Variants in INTS7 observed in about 807,000 individuals in gnomAD.
INTS7 encodes the protein integrator complex subunit 7.
Under a neutral mutation model 109.2 loss-of-function variants are expected in INTS7, and 46 were observed. The ratio of observed to expected loss-of-function variants is 0.42; its 90% CI spans 0.33 to 0.54. The LOEUF is 0.54. Ranked by LOEUF, INTS7 falls within the 20% of genes least tolerant of loss-of-function variation. INTS7 has a pLI of 0.07. For missense variants in INTS7, 929 were observed against 1,132.4 expected (o/e 0.82, Z 2.58); for synonymous variants, 412 against 402.9 (o/e 1.02, Z -0.27).
intron 16 of INTS7, among the ~76,000 whole-genome samples, chr1:211,957,355 GACC>G (rs1663416989): frequency 6.6e-6 from 1 of 152,108 alleles, no homozygotes; most frequent in Non-Finnish European, 1.5e-5. Flanking sequence ...AGACCAGCCT[GACC>G]AATATGGTGA....
chr1:212,006,563 T>G, intron 7 of INTS7, 76 bp downstream of exon 7: 3 of 683,264 alleles, frequency 4.4e-6, no homozygotes, highest in Non-Finnish European at 6.4e-6. Context: ...AAAGACAATA[T>G]AAAAATGCAA....
chr1:211,963,326 C>T (rs553588518), intron 16 of INTS7, among the ~76,000 whole-genome samples: 1 of 152,026 alleles, frequency 6.6e-6, no homozygotes, highest in South Asian at 2.1e-4. Context: ...ATAATGAGCT[C>T]TGAAATTGAA....
chr1:212,016,895 G>A lies in INTS7; in HGVS notation c.500C>T (p.Ala167Val). Reference protein sequence around the residue: ...AAVFAAANFSAQSKDFAVGIC... With the variant: ...AAVFAAANFSVQSKDFAVGIC... ...ACTTTTGTAAGCTTACTTTGACTGT[G>A]CAGAGAAGTTTGCAGCAGCAAAAAC... Residue 167 changes from alanine to valine, a missense_variant, in exon 4 of 20, where the codon GCA (alanine) becomes GTA (valine). Physicochemically the swap from Ala to Val is moderately conservative, Grantham distance 64 (BLOSUM62 0). Coordinates refer to ENST00000366994, the MANE Select transcript of INTS7 (RefSeq NM_015434.4). The A allele has an allele frequency of 6.2e-7, 1 of 1,605,020 alleles. No individual in the cohort carries two copies. Among genetic ancestry groups the A allele is most frequent in the Non-Finnish European group, 8.5e-7 (1 of 1,177,010 alleles).
At chr1:211,977,996 G>C (rs1272000437) in intron 11 of INTS7, among the ~76,000 whole-genome samples, 4 of 152,124 alleles carry the variant, frequency 2.6e-5, no homozygotes, top group Non-Finnish European at 2.9e-5. Context: ...GAGATTGAAG[G>C]CTTTGGCTAT....
At chr1:212,021,905 G>GA (rs1666727321) in intron 1 of INTS7, among the ~76,000 whole-genome samples, 2 of 151,760 alleles carry the variant, frequency 1.3e-5, no homozygotes, top group Admixed American at 1.3e-4. Context: ...GAAGAAATTA[G>GA]AAAAATATTT....
Position 211,976,600 on chromosome 1 carries a change from G to A in INTS7, c.1590C>T (p.Ala530=). 2 of 1,613,746 alleles carry A rather than the reference G, an allele frequency of 1.2e-6. No individual in the cohort carries two copies. Among genetic ancestry groups the A allele is most frequent in the Non-Finnish European group, 1.7e-6 (2 of 1,179,736 alleles). The change falls in exon 12 of 20, where the codon GCC becomes GCT. Residue 530 remains alanine (A), a synonymous_variant. Transcript: ENST00000366994. ...CACATACCATTCTGGAAGCCTGTCT[G>A]GCAATACGGTATACAGTCCATCCAT... is the stretch of plus-strand genomic sequence containing the variant. ...VSNGWTVYRI[A]RQASRMGNHD...
intron 17 of INTS7, among the ~76,000 whole-genome samples, chr1:211,951,367 GGC>G (rs1307067359): frequency 6.6e-6 from 1 of 152,078 alleles, no homozygotes; most frequent in Non-Finnish European, 1.5e-5. Flanking sequence ...GGAGTGCAGT[GGC>G]GCTATCTCAG....
At chr1:211,968,382 C>G (rs1664007500) in intron 14 of INTS7, 131 bp downstream of exon 14, 2 of 731,492 alleles carry the variant, frequency 2.7e-6, no homozygotes, top group South Asian at 2.3e-5. Flanking sequence ...TTTAGCCAGA[C>G]AGTTGAGTGA....
chr1:211,977,835 A>T (rs946691720), intron 11 of INTS7, among the ~76,000 whole-genome samples: 3 of 152,346 alleles, frequency 2.0e-5, no homozygotes, highest in Admixed American at 6.5e-5. Context: ...AATGGAAAAC[A>T]TAAATTTGGG....
At chr1:211,948,927 A>C (rs1440734705) in intron 17 of INTS7, among the ~76,000 whole-genome samples, 1 of 152,166 alleles carries the variant, frequency 6.6e-6, no homozygotes, top group Non-Finnish European at 1.5e-5. Flanking sequence ...GGCTGATCTC[A>C]AACTCCTGAC....
chr1:211,944,688 A>C, intron 19 of INTS7, 96 bp downstream of exon 19: 1 of 991,274 alleles, frequency 1.0e-6, no homozygotes, highest in Non-Finnish European at 1.6e-6. Context: ...TTGGAGGTAT[A>C]ACTGCAATCT....
chr1:211,967,817 G>C, intron 15 of INTS7, 61 bp downstream of exon 15: 2 of 829,244 alleles, frequency 2.4e-6, no homozygotes, highest in Admixed American at 4.4e-5. Flanking sequence ...ATCTGAGGTA[G>C]TCCGTATTTA....
intron 3 of INTS7, among the ~76,000 whole-genome samples, chr1:212,017,731 T>C (rs1666501906): frequency 6.6e-6 from 1 of 152,240 alleles, no homozygotes; most frequent in African/African-American, 2.4e-5. Context: ...ACAATGTTCC[T>C]ACAATGACAA....
chr1:211,946,768 A>T lies in INTS7; in HGVS notation c.2317-63T>A. The stretch of plus-strand genomic sequence containing the variant: ...TTTTCAAATTTCATCAACAAGTGGT[A>T]CATTCAGTATAAAACTACAAATGCC... On this transcript the variant is annotated intron_variant, in intron 17 of 19. Transcript: ENST00000366994. This position sits in a 1 kb window ranked among gnomAD's most constrained non-coding sequence, Gnocchi z 4.3. 1 of 1,145,726 alleles carries T rather than the reference A, an allele frequency of 8.7e-7. No homozygotes were observed. The highest frequency in any genetic ancestry group is 1.3e-6 in the Non-Finnish European group (1 of 777,464). The allele number at this position is 1,145,726 out of a possible 1,614,324, so 71.0% of individuals were successfully genotyped here.
rs757624709 is a variant in INTS7 at position 212,020,217 on chromosome 1, T to C, written c.276A>G (p.Lys92=). Residue 92 remains lysine, a synonymous_variant, in exon 3 of 20, where the codon AAA becomes AAG. Coordinates refer to ENST00000366994, the MANE Select transcript of INTS7 (RefSeq NM_015434.4). ...CVLKVTQQSE[K]HLEKILNVDE... ...CCACATTTAGAATCTTCTCCAAATG[T>C]TTCTCACTTTGTTGGGTAACTTTAA... The C allele has an allele frequency of 4.6e-5, 74 of 1,605,838 alleles. No individual in the cohort carries two copies. In the East Asian group the frequency reaches 1.6e-3, roughly 35 times the overall value.
At position 211,987,917 on chromosome 1, in the gene INTS7, G is replaced by T. The variant is rs773173864; in HGVS notation, c.966C>A (p.Ile322=). The change falls in exon 8 of 20, where the codon ATC becomes ATA. Residue 322 remains isoleucine, a synonymous_variant. Coordinates refer to ENST00000366994, the MANE Select transcript of INTS7 (RefSeq NM_015434.4). ...LSVLSTLSGT[I]AIKHYFSIVP... ...CTATACTGAAGTAATGTTTGATGGC[G>T]ATGGTCCCTGATAGTGTGGAAAGGA... 6.2e-7 allele frequency: 1 copy of T among 1,607,278 alleles called. No individual in the cohort carries two copies. Among genetic ancestry groups the T allele is most frequent in the Admixed American group, 1.7e-5 (1 of 59,900 alleles).
intron 17 of INTS7, among the ~76,000 whole-genome samples, chr1:211,949,611 ATTC>A (rs1571839747): frequency 6.6e-6 from 1 of 152,148 alleles, no homozygotes; most frequent in East Asian, 1.9e-4. Flanking sequence ...CCTTGTAGTC[ATTC>A]TTCTTTCCTC....
At chr1:212,002,298 T>C (rs1389670714) in intron 7 of INTS7, among the ~76,000 whole-genome samples, 2 of 152,244 alleles carry the variant, frequency 1.3e-5, no homozygotes, top group Non-Finnish European at 2.9e-5. Context: ...AACTGCCTCT[T>C]AAATGTTCTC....
chr1:211,977,683 C>A (rs1438954959), intron 11 of INTS7, among the ~76,000 whole-genome samples: 14 of 152,118 alleles, frequency 9.2e-5, no homozygotes, highest in Admixed American at 9.2e-4. Context: ...TAGAATGTAG[C>A]CTACTCTCAG....
Sources: gnomAD v4.1 joint callset for allele counts (sites outside exome capture counted in the v4.1 genomes callset) on GRCh38, gnomAD v4.1.1 for gene constraint, Gnocchi (gnomAD v3.1) non-coding constraint, MANE v1.5 for transcripts, NCBI Gene and HGNC (gene_info 2026-07-23, HGNC 2026-07-21) for gene names.